SFI1: variants seen among roughly 807,000 people sequenced by gnomAD.
The protein encoded by SFI1 is protein SFI1 homolog.
A neutral mutation model predicts 207.5 loss-of-function variants in SFI1; 195 were observed. That is an observed-to-expected ratio of 0.94 (90% CI 0.84 to 1.06). SFI1 has a LOEUF of 1.06. SFI1 is among the 50% of genes least tolerant of loss of function. SFI1 has a pLI of 0.00. For missense variants in SFI1, 1,634 were observed against 1,588.0 expected (o/e 1.03, Z -0.49); for synonymous variants, 630 against 598.9 (o/e 1.05, Z -0.76).
At chr22:31,596,149 A>G (rs921306853) in intron 15 of SFI1, among the ~76,000 whole-genome samples, 38 of 152,150 alleles carry the variant, frequency 2.5e-4, no homozygotes, top group African/African-American at 8.7e-4. Flanking sequence ...GCTACTCCGG[A>G]GGCTGAGGCA....
At chr22:31,594,010 G>A (rs1335868515) in intron 15 of SFI1, among the ~76,000 whole-genome samples, 1 of 145,756 alleles carries the variant, frequency 6.9e-6, no homozygotes, top group East Asian at 2.0e-4. Flanking sequence ...GAGGGACAGG[G>A]AGAGGGAGAG....
At position 31,561,272 on chromosome 22, in the gene SFI1, T is replaced by G; in HGVS notation, c.663-18T>G. The G allele has an allele frequency of 6.2e-7, 1 of 1,611,008 alleles. No individual in the cohort carries two copies. The highest frequency in any genetic ancestry group is 8.5e-7 in the Non-Finnish European group (1 of 1,177,996). ...GCTTTTTACTGATGGATTCCATCTT[T>G]GATTTGCTGTTTCACAGGGTGTGGT... On this transcript the variant is annotated intron_variant, in intron 7 of 32. Transcript: ENST00000400288.
chr22:31,597,017 C>T (rs1337077545), intron 15 of SFI1, among the ~76,000 whole-genome samples: 1 of 140,974 alleles, frequency 7.1e-6, no homozygotes, highest in African/African-American at 2.7e-5. Context: ...ACACGGTACC[C>T]GTTTCTAAAT....
intron 21 of SFI1, 73 bp downstream of exon 21, chr22:31,606,503 G>C: frequency 7.9e-7 from 1 of 1,257,896 alleles, no homozygotes; most frequent in Non-Finnish European, 1.1e-6. Flanking sequence ...TGGGATGTAG[G>C]GGGTGGTGCC....
At chr22:31,547,706 G>A (rs1005901116) in intron 5 of SFI1, among the ~76,000 whole-genome samples, 11 of 150,698 alleles carry the variant, frequency 7.3e-5, no homozygotes, top group African/African-American at 1.7e-4. Context: ...TGCAACCTCC[G>A]CCGCCTGGGT....
At chr22:31,525,817 T>C (rs1422475442) in intron 2 of SFI1, among the ~76,000 whole-genome samples, 3 of 152,208 alleles carry the variant, frequency 2.0e-5, no homozygotes, top group Admixed American at 2.0e-4. Context: ...TTGGCCTATG[T>C]GTCTGTTTTT....
intron 8 of SFI1, among the ~76,000 whole-genome samples, chr22:31,572,204 G>A (rs764714224): frequency 1.3e-5 from 2 of 152,146 alleles, no homozygotes; most frequent in East Asian, 1.9e-4. Flanking sequence ...AAATGGGAAC[G>A]ATGGTATTCA....
At chr22:31,590,975 A>AT (rs997391866) in intron 15 of SFI1, among the ~76,000 whole-genome samples, 3 of 137,248 alleles carry the variant, frequency 2.2e-5, no homozygotes, top group Admixed American at 1.4e-4. Flanking sequence ...TTATTTATTT[A>AT]TTTATTTTTT....
Position 31,604,361 on chromosome 22 carries a change from A to G in SFI1, c.1934A>G (p.His645Arg). The G allele has an allele frequency of 6.3e-7, 1 of 1,577,338 alleles. No individual in the cohort carries two copies. The highest frequency in any genetic ancestry group is 1.2e-5 in the South Asian group (1 of 86,326). ...CAGAAGCTGATGCGAGCAGACCTGC[A>G]CCACCAGCACAGCGTGCTGCACAGG... The part of the protein sequence containing the change: ...ERQKLMRADL[H>R]HQHSVLHRAL... The change falls in exon 19 of 33, where the codon CAC (histidine) becomes CGC (arginine). Residue 645 changes from histidine to arginine, a missense_variant. By Grantham distance (29) the His-to-Arg change is conservative. Transcript: ENST00000400288.
chr22:31,561,426 T>G, intron 8 of SFI1, 34 bp downstream of exon 8: 1 of 1,568,410 alleles, frequency 6.4e-7, no homozygotes. Flanking sequence ...TGGCATCCTC[T>G]GTCAGTGTTG....
intron 8 of SFI1, among the ~76,000 whole-genome samples, chr22:31,564,959 G>A (rs1462232177): frequency 8.0e-5 from 12 of 149,572 alleles, no homozygotes; most frequent in Non-Finnish European, 1.6e-4. Context: ...GACTACAGGC[G>A]CCCGCCACAA....
rs749177895 is a variant in SFI1, at chr22:31,528,642, C to T, written c.93-48C>T. ...ATATTAAAAGTATTTGCATCACATG[C>T]AGAGATAACTTTATTCTCTCCTTGC... On this transcript the variant is annotated intron_variant, in intron 2 of 32. Coordinates refer to ENST00000400288, the MANE Select transcript of SFI1 (RefSeq NM_001007467.3). The T allele has an allele frequency of 2.6e-6, 4 of 1,523,908 alleles. No individual in the cohort carries two copies. The South Asian group carries it at 3.5e-5, about 13-fold the overall frequency. The allele number at this position is 1,523,908 out of a possible 1,614,324, so 94.4% of individuals were successfully genotyped here.
chr22:31,499,407 G>A (rs1023719849), intron 1 of SFI1, among the ~76,000 whole-genome samples: 1 of 151,824 alleles, frequency 6.6e-6, no homozygotes, highest in Middle Eastern at 3.5e-3. Flanking sequence ...TGTTAGCCAG[G>A]ATGGTCTCCA....
At chr22:31,550,993 A>G (rs1045885539) in intron 6 of SFI1, among the ~76,000 whole-genome samples, 5 of 152,176 alleles carry the variant, frequency 3.3e-5, no homozygotes, top group African/African-American at 9.6e-5. Flanking sequence ...CTTACTTAGG[A>G]ATGGTGTCCA....
At chr22:31,514,457 A>G (rs1264076302) in intron 2 of SFI1, among the ~76,000 whole-genome samples, 2 of 146,962 alleles carry the variant, frequency 1.4e-5, no homozygotes, top group African/African-American at 4.9e-5. Flanking sequence ...GCAGTGAGCC[A>G]AGATTGCTCC....
intron 5 of SFI1, among the ~76,000 whole-genome samples, chr22:31,549,594 A>G (rs1278568252): frequency 6.6e-6 from 1 of 151,630 alleles, no homozygotes; most frequent in Admixed American, 6.6e-5. Context: ...CGAACTCCCA[A>G]CCTCAGGTGG....
In SFI1 at chr22:31,575,398, C is replaced by T. The variant is rs1423251676; in HGVS notation, c.1084+6C>T. The T allele has an allele frequency of 1.3e-6, 2 of 1,591,926 alleles. No homozygotes were observed. The highest frequency in any genetic ancestry group is 1.7e-5 in the Admixed American group (1 of 57,848). ...CTTTACTCACTGGAAACACTGTATC[C>T]TTTCAGATACTCAGGCTGTCCATTG... On this transcript the variant is annotated splice_donor_region_variant and intron_variant, in intron 10 of 32. Coordinates refer to ENST00000400288, the MANE Select transcript of SFI1 (RefSeq NM_001007467.3).
At chr22:31,593,716 GA>G (rs2066543727) in intron 15 of SFI1, among the ~76,000 whole-genome samples, 1 of 148,956 alleles carries the variant, frequency 6.7e-6, no homozygotes, top group Non-Finnish European at 1.5e-5. Context: ...ATTGAGCACT[GA>G]GTGAACGAGA....
chr22:31,617,434 A>G (rs1319539952), intron 31 of SFI1, among the ~76,000 whole-genome samples: 2 of 152,122 alleles, frequency 1.3e-5, no homozygotes, highest in African/African-American at 2.4e-5. Flanking sequence ...AAAGGTGCAG[A>G]GAAGGGCCAG....
Sources: gnomAD v4.1 joint callset for allele counts (sites outside exome capture counted in the v4.1 genomes callset) on GRCh38, gnomAD v4.1.1 for gene constraint, MANE v1.5 for transcripts, NCBI Gene and HGNC (gene_info 2026-07-23, HGNC 2026-07-21) for gene names.